Variants in ELAPOR2 observed in about 807,000 individuals in gnomAD.
The protein encoded by ELAPOR2 is endosome/lysosome-associated apoptosis and autophagy regulator family member 2.
ELAPOR2 carries 89 observed loss-of-function variants against 120.7 expected under a neutral mutation model. The observed-to-expected ratio is 0.74, with a 90% confidence interval of 0.62 to 0.88. ELAPOR2 has a LOEUF of 0.88. Among genes scored for constraint, ELAPOR2 ranks in the 40% least tolerant of loss-of-function variants. The probability of loss-of-function intolerance (pLI) is 0.00; values close to 1 mark genes in which losing one functional copy is unlikely to be tolerated. For missense variants in ELAPOR2, 1,134 were observed against 1,251.6 expected, an observed-to-expected ratio of 0.91 and a Z score of 1.42; for synonymous variants, 444 against 444.9, an observed-to-expected ratio of 1.00 and a Z score of 0.03.
chr7:86,897,267 G>A (rs1788478641), intron 19 of ELAPOR2, among the ~76,000 whole-genome samples: 1 of 151,940 alleles, frequency 6.6e-6, no homozygotes, highest in Non-Finnish European at 1.5e-5. Flanking sequence ...TATAATCCAG[G>A]TAAATACTAA....
chr7:86,914,971 T>C lies in ELAPOR2; in HGVS notation c.1594-111A>G, dbSNP rs903478971. On this transcript the variant is annotated intron_variant, in intron 12 of 21. Coordinates refer to ENST00000450689, the MANE Select transcript of ELAPOR2 (RefSeq NM_001142749.3). Reference sequence around the variant, plus strand: ...TTTAAAGTAAACCCATTACAGTTTATGACTATTTACAAACAGAGCATGTAA... The same window carrying C: ...TTTAAAGTAAACCCATTACAGTTTACGACTATTTACAAACAGAGCATGTAA... The C allele has an allele frequency of 8.6e-5, 78 of 905,388 alleles. No homozygotes were observed. In the East Asian group the frequency reaches 2.0e-3, roughly 23 times the overall value. The allele number at this position is 905,388 out of a possible 1,614,324, so 56.1% of individuals were successfully genotyped here.
At chr7:86,994,482 C>A (rs1793057807) in intron 1 of ELAPOR2, among the ~76,000 whole-genome samples, 1 of 152,164 alleles carries the variant, frequency 6.6e-6, no homozygotes, top group East Asian at 1.9e-4. Flanking sequence ...TGAGAAACAG[C>A]CCCACTAACA....
chr7:86,909,843 T>A lies in ELAPOR2; in HGVS notation c.2328A>T (p.Ser776=), dbSNP rs1223823616. ...ESKGFRAALS[S]QSIILADTFI... ...ATGTATCTGCCAGAATGATGGATTG[T>A]GATGATAAGGCTGCTCGGAAACCCT... The change falls in exon 16 of 22, where the codon TCA becomes TCT. Residue 776 remains serine, a synonymous_variant. Transcript: ENST00000450689. The A allele has an allele frequency of 1.2e-6, 2 of 1,612,544 alleles. No homozygotes were observed. Among genetic ancestry groups the A allele is most frequent in the Non-Finnish European group, 8.5e-7 (1 of 1,179,220 alleles).
chr7:86,923,253 G>A (rs1789907756), intron 10 of ELAPOR2, among the ~76,000 whole-genome samples: 1 of 151,830 alleles, frequency 6.6e-6, no homozygotes, highest in Non-Finnish European at 1.5e-5. Context: ...GTAGTTAGTA[G>A]TTTTTTGTGT....
At chr7:87,040,135 C>T (rs549994550) in intron 1 of ELAPOR2, among the ~76,000 whole-genome samples, 3 of 152,220 alleles carry the variant, frequency 2.0e-5, no homozygotes, top group South Asian at 4.1e-4. Context: ...CACGGAGTCT[C>T]GCTGATTGCT....
chr7:86,952,334 A>G (rs1791291088), intron 2 of ELAPOR2, among the ~76,000 whole-genome samples: 1 of 152,238 alleles, frequency 6.6e-6, no homozygotes, highest in Non-Finnish European at 1.5e-5. Context: ...GTGCATTTAA[A>G]TAACCTGATT....
At chr7:86,930,915 G>A (rs1790297225) in intron 8 of ELAPOR2, among the ~76,000 whole-genome samples, 2 of 151,894 alleles carry the variant, frequency 1.3e-5, no homozygotes, top group Admixed American at 6.6e-5. Context: ...ACTATGCACA[G>A]GACAAAGTAC....
intron 1 of ELAPOR2, among the ~76,000 whole-genome samples, chr7:87,049,598 G>A (rs1386921522): frequency 6.6e-6 from 1 of 152,080 alleles, no homozygotes; most frequent in Non-Finnish European, 1.5e-5. Flanking sequence ...AGGTAGCCAG[G>A]GAAAGCCTTA....
chr7:86,992,042 A>G (rs909979912), intron 1 of ELAPOR2, among the ~76,000 whole-genome samples: 6 of 152,220 alleles, frequency 3.9e-5, no homozygotes, highest in African/African-American at 1.4e-4. Flanking sequence ...AGCAAATTAC[A>G]TCATATGCTT....
chr7:86,906,403 G>T (rs1789018390), intron 18 of ELAPOR2, among the ~76,000 whole-genome samples: 2 of 151,974 alleles, frequency 1.3e-5, no homozygotes, highest in African/African-American at 4.8e-5. Context: ...TTAAATCATA[G>T]GTCTATGAGA....
intron 19 of ELAPOR2, among the ~76,000 whole-genome samples, chr7:86,893,976 G>A (rs1788318424): frequency 1.3e-5 from 2 of 151,948 alleles, no homozygotes; most frequent in Admixed American, 6.6e-5. Context: ...AATAATATAG[G>A]CACTAATCTT....
chr7:87,045,542 G>T (rs1794925127), intron 1 of ELAPOR2, among the ~76,000 whole-genome samples: 1 of 150,818 alleles, frequency 6.6e-6, no homozygotes, highest in South Asian at 2.1e-4. Context: ...CTCACTCATA[G>T]GTGGGAATTG....
intron 8 of ELAPOR2, among the ~76,000 whole-genome samples, chr7:86,934,810 G>A (rs1188791496): frequency 6.6e-6 from 1 of 151,808 alleles, no homozygotes; most frequent in African/African-American, 2.4e-5. Context: ...CTCACAACTT[G>A]GTCAAAACTG....
At chr7:86,931,550 G>A (rs957455423) in intron 8 of ELAPOR2, among the ~76,000 whole-genome samples, 4 of 151,648 alleles carry the variant, frequency 2.6e-5, no homozygotes, top group African/African-American at 9.7e-5. Context: ...TTCTCATACC[G>A]TATGCCAAAG....
chr7:86,999,244 T>C (rs1164757942), intron 1 of ELAPOR2, among the ~76,000 whole-genome samples: 1 of 152,176 alleles, frequency 6.6e-6, no homozygotes, highest in Non-Finnish European at 1.5e-5. Flanking sequence ...TCCACTTAAT[T>C]TGGGCAAGGT....
chr7:86,950,057 TC>T (rs1261638165), intron 2 of ELAPOR2, among the ~76,000 whole-genome samples: 2 of 152,134 alleles, frequency 1.3e-5, no homozygotes, highest in Non-Finnish European at 2.9e-5. Context: ...ACACACTTCC[TC>T]CCTCTGGCTG....
intron 1 of ELAPOR2, among the ~76,000 whole-genome samples, chr7:86,980,099 T>A (rs1792414250): frequency 2.0e-5 from 3 of 152,250 alleles, no homozygotes; most frequent in Admixed American, 6.5e-5. Context: ...ATTAAGTGGA[T>A]ACACTTATAC....
chr7:86,965,918 C>T (rs904639905), intron 1 of ELAPOR2: 1 of 985,228 alleles, frequency 1.0e-6, no homozygotes, highest in African/African-American at 1.7e-5. Context: ...CAAGCCACAT[C>T]ACCATGCGGA....
intron 1 of ELAPOR2, among the ~76,000 whole-genome samples, chr7:86,976,391 T>C (rs1792284673): frequency 6.6e-6 from 1 of 152,156 alleles, no homozygotes; most frequent in Non-Finnish European, 1.5e-5. Context: ...AATCCTCTGG[T>C]TCAGTCTATG....
Sources: allele counts gnomAD v4.1 joint callset (sites outside exome capture counted in the v4.1 genomes callset), GRCh38; gene constraint gnomAD v4.1.1; transcripts MANE v1.5; gene names NCBI Gene and HGNC (gene_info 2026-07-23, HGNC 2026-07-21).